ANKS1B: variants seen among roughly 807,000 people sequenced by gnomAD.
ANKS1B encodes ankyrin repeat and sterile alpha motif domain containing 1B.
Under a neutral mutation model 148.3 loss-of-function variants are expected in ANKS1B, and 36 were observed. The observed-to-expected ratio is 0.24, with a 90% CI of 0.19 to 0.32. The LOEUF (loss-of-function observed/expected upper bound fraction) is 0.32, where lower values mean the gene tolerates loss of function less well. Among genes scored for constraint, ANKS1B ranks in the 10% least tolerant of loss-of-function variants. The pLI, the probability that ANKS1B is intolerant of heterozygous loss-of-function variation, is 1.00. For missense variants in ANKS1B, 1,157 were observed against 1,542.6 expected, an observed-to-expected ratio of 0.75 and a Z score of 4.19; for synonymous variants, 542 against 560.8, an observed-to-expected ratio of 0.97 and a Z score of 0.47.
At chr12:99,869,101 T>G (rs988026678) in intron 1 of ANKS1B, among the ~76,000 whole-genome samples, 6 of 151,996 alleles carry the variant, frequency 3.9e-5, no homozygotes, top group Non-Finnish European at 5.9e-5. Context: ...AATGGAGAGA[T>G]ATATCATGCT....
At chr12:99,874,211 A>G (rs2091853798) in intron 1 of ANKS1B, among the ~76,000 whole-genome samples, 1 of 151,976 alleles carries the variant, frequency 6.6e-6, no homozygotes, top group African/African-American at 2.4e-5. Context: ...AATCAGACCA[A>G]TGCAATTTGA....
intron 24 of ANKS1B, among the ~76,000 whole-genome samples, chr12:98,776,529 A>G (rs920835019): frequency 3.9e-5 from 6 of 152,246 alleles, no homozygotes; most frequent in Admixed American, 2.0e-4. Context: ...GTTGTTTGCC[A>G]TCATGGTGAG....
At chr12:99,275,605 A>C (rs533465010) in intron 12 of ANKS1B, among the ~76,000 whole-genome samples, 3 of 152,198 alleles carry the variant, frequency 2.0e-5, no homozygotes, top group East Asian at 3.8e-4. Context: ...ATGGACACTT[A>C]GGTTGTTTCC....
At chr12:99,781,897 T>G (rs922284100) in intron 5 of ANKS1B, 125 bp downstream of exon 5, 2 of 752,664 alleles carry the variant, frequency 2.7e-6, no homozygotes, top group Middle Eastern at 4.9e-4. Context: ...TGAATACATA[T>G]CTGCATTTTA....
At chr12:99,410,647 C>T (rs2094668516) in intron 11 of ANKS1B, among the ~76,000 whole-genome samples, 1 of 152,018 alleles carries the variant, frequency 6.6e-6, no homozygotes, top group South Asian at 2.1e-4. Context: ...CCAGCCTGGG[C>T]AACAGGGCAA....
chr12:99,224,139 C>T (rs2153941622), intron 14 of ANKS1B, among the ~76,000 whole-genome samples: 1 of 151,586 alleles, frequency 6.6e-6, no homozygotes, highest in South Asian at 2.1e-4. Context: ...GTGAATGATC[C>T]ATGTTTGAAT....
chr12:99,225,469 T>A (rs2085768293), intron 14 of ANKS1B, among the ~76,000 whole-genome samples: 1 of 152,182 alleles, frequency 6.6e-6, no homozygotes, highest in South Asian at 2.1e-4. Flanking sequence ...GGATGCAAAG[T>A]ATTGTTTCTG....
At chr12:99,231,063 C>A (rs2086762862) in intron 14 of ANKS1B, among the ~76,000 whole-genome samples, 1 of 152,038 alleles carries the variant, frequency 6.6e-6, no homozygotes, top group Non-Finnish European at 1.5e-5. Context: ...GTTCATGGAA[C>A]AAAGAATATG....
chr12:99,614,926 C>T (rs987052241), intron 9 of ANKS1B, among the ~76,000 whole-genome samples: 9 of 149,948 alleles, frequency 6.0e-5, no homozygotes, highest in African/African-American at 2.2e-4. Flanking sequence ...TAAGGTTTTT[C>T]CAGTCTAGAA....
intron 9 of ANKS1B, among the ~76,000 whole-genome samples, chr12:99,573,823 A>G (rs551677805): frequency 6.6e-6 from 1 of 152,146 alleles, no homozygotes; most frequent in South Asian, 2.1e-4. Context: ...TGAACTGTCC[A>G]TGTTCCTCTA....
intron 14 of ANKS1B, among the ~76,000 whole-genome samples, chr12:99,175,561 T>C (rs1051087128): frequency 2.0e-5 from 3 of 152,220 alleles, no homozygotes; most frequent in Non-Finnish European, 2.9e-5. Context: ...TTGTTTGGCA[T>C]CATCATAATT....
chr12:99,276,175 T>C (rs946884950), intron 12 of ANKS1B, among the ~76,000 whole-genome samples: 6 of 152,266 alleles, frequency 3.9e-5, no homozygotes, highest in African/African-American at 1.2e-4. Flanking sequence ...TACTTTTTGA[T>C]GAATGAGAGT....
At chr12:99,243,648 C>T (rs1381526755) in intron 14 of ANKS1B, among the ~76,000 whole-genome samples, 7 of 152,156 alleles carry the variant, frequency 4.6e-5, no homozygotes, top group Non-Finnish European at 7.3e-5. Flanking sequence ...CAGTGATAGA[C>T]TGGATTAAGA....
intron 15 of ANKS1B, among the ~76,000 whole-genome samples, chr12:99,151,609 T>C (rs2074949377): frequency 6.6e-6 from 1 of 152,080 alleles, no homozygotes; most frequent in African/African-American, 2.4e-5. Flanking sequence ...AAATAGTCCT[T>C]ATTAAAGATA....
intron 1 of ANKS1B, among the ~76,000 whole-genome samples, chr12:99,928,879 A>C (rs1033959391): frequency 6.6e-6 from 1 of 152,196 alleles, no homozygotes; most frequent in African/African-American, 2.4e-5. Context: ...AGAATAGGTA[A>C]GAGAGGAAAA....
chr12:98,825,348 C>G (rs981013398), intron 19 of ANKS1B, among the ~76,000 whole-genome samples: 1 of 152,080 alleles, frequency 6.6e-6, no homozygotes, highest in African/African-American at 2.4e-5. Context: ...CTTATTAATA[C>G]TATTTAGATT....
intron 14 of ANKS1B, among the ~76,000 whole-genome samples, chr12:99,244,101 A>G (rs1395182204): frequency 2.8e-5 from 4 of 144,320 alleles, no homozygotes; most frequent in African/African-American, 8.0e-5. Context: ...AAAAAAAAAA[A>G]AGAAAAACTT....
intron 17 of ANKS1B, among the ~76,000 whole-genome samples, chr12:99,018,476 A>C (rs1014616767): frequency 6.6e-6 from 1 of 152,230 alleles, no homozygotes; most frequent in Non-Finnish European, 1.5e-5. Context: ...TGAAATATTG[A>C]ATATTTAACA....
At chr12:99,088,687 C>T (rs2052839072) in intron 15 of ANKS1B, among the ~76,000 whole-genome samples, 1 of 151,894 alleles carries the variant, frequency 6.6e-6, no homozygotes, top group South Asian at 2.1e-4. Context: ...ATGTTTCAAA[C>T]CTTATAACTA....
Sources: gnomAD v4.1 joint callset for allele counts (sites outside exome capture counted in the v4.1 genomes callset) on GRCh38, gnomAD v4.1.1 for gene constraint, MANE v1.5 for transcripts, NCBI Gene and HGNC (gene_info 2026-07-23, HGNC 2026-07-21) for gene names.